The following AP5M1 variants were observed in gnomAD, a reference collection of about 807,000 sequenced individuals.
AP5M1 encodes adaptor related protein complex 5 subunit mu 1.
A neutral mutation model predicts 52.3 loss-of-function variants in AP5M1; 44 were observed. The ratio of observed to expected loss-of-function variants is 0.84; its 90% CI spans 0.66 to 1.08. AP5M1 has a LOEUF of 1.08. Ranked by LOEUF, AP5M1 falls within the 50% of genes least tolerant of loss-of-function variation. AP5M1 has a pLI of 0.00. For synonymous variants in AP5M1, 213 were observed against 199.0 expected, an observed-to-expected ratio of 1.07 and a Z score of -0.59; for missense variants, 526 against 568.4, an observed-to-expected ratio of 0.93 and a Z score of 0.76.
At chr14:57,276,513 T>C (rs1208692763) in intron 2 of AP5M1, among the ~76,000 whole-genome samples, 1 of 151,780 alleles carries the variant, frequency 6.6e-6, no homozygotes, top group African/African-American at 2.4e-5. Context: ...AGGCAGAGGC[T>C]GCAGTGAGCC....
At position 57,288,978 on chromosome 14, in the gene AP5M1, G is replaced by GA. The variant is rs1450056951; in HGVS notation, c.*99dup. 6 of 693,642 alleles carry GA rather than the reference G, an allele frequency of 8.7e-6. No individual in the cohort carries two copies. Among genetic ancestry groups the GA allele is most frequent in the Non-Finnish European group, 1.4e-5 (6 of 421,086 alleles). The allele number at this position is 693,642 out of a possible 1,614,324, so 43.0% of individuals were successfully genotyped here. A position where few individuals can be genotyped will look rare whatever the true frequency, so the allele number is the denominator to read the frequency against. The stretch of plus-strand genomic sequence containing the variant: ...ATGTGGATGCATATAACCTGTGAGT[G>GA]AAAAATCACTGAATGATTTAATTGT... On this transcript the variant is annotated 3_prime_UTR_variant, in exon 8 of 8. Transcript: ENST00000261558.
chr14:57,284,605 A>G (rs891323500), intron 6 of AP5M1, among the ~76,000 whole-genome samples: 6 of 152,214 alleles, frequency 3.9e-5, no homozygotes, highest in African/African-American at 1.4e-4. Context: ...GGACTGCTGT[A>G]AAAGCTGTGA....
Position 57,291,215 on chromosome 14 carries a change from C to T in AP5M1, c.*2331C>T, listed in dbSNP as rs941478588. 2.6e-5 allele frequency: 4 copies of T among 151,780 alleles called. No individual in the cohort carries two copies. Among genetic ancestry groups the T allele is most frequent in the South Asian group, 2.1e-4 (1 of 4,832 alleles). 9.4% of individuals were successfully genotyped at this position (151,780 alleles called of 1,614,324 possible). On this transcript the variant is annotated 3_prime_UTR_variant, in exon 8 of 8. Transcript: ENST00000261558. ...ATTTTTTAACTTGAAAGATGCTTTG[C>T]GTTTGCAGTGAATATGAGCAACTAC...
Position 57,269,069 on chromosome 14 carries a change from G to C in AP5M1, c.-246G>C. 1.8e-6 allele frequency: 1 copy of C among 569,544 alleles called. No individual in the cohort carries two copies. Among genetic ancestry groups the C allele is most frequent in the Non-Finnish European group, 3.1e-6 (1 of 325,210 alleles). The allele number at this position is 569,544 out of a possible 1,614,324, so 35.3% of individuals were successfully genotyped here. On this transcript the variant is annotated 5_prime_UTR_variant, in exon 1 of 8. Transcript: ENST00000261558. ...GAAAATACCGGAGTTGCAGGGTATA[G>C]GTAAATTTCTCAAGGTTATAGGTTG...
intron 1 of AP5M1, among the ~76,000 whole-genome samples, chr14:57,273,002 G>C (rs1055241400): frequency 1.3e-5 from 2 of 151,750 alleles, no homozygotes; most frequent in African/African-American, 4.8e-5. Flanking sequence ...TCTCGGCTCG[G>C]CTCGGCTCGG....
At chr14:57,282,790 AT>A (rs1885214476) in intron 4 of AP5M1, 143 bp from the exon 5 acceptor site, 2 of 487,760 alleles carry the variant, frequency 4.1e-6, no homozygotes, top group East Asian at 6.3e-5. Context: ...TTTAACATTC[AT>A]TATTTGTTCT....
intron 1 of AP5M1, among the ~76,000 whole-genome samples, chr14:57,273,140 G>A (rs1884934463): frequency 6.6e-6 from 1 of 152,036 alleles, no homozygotes; most frequent in Non-Finnish European, 1.5e-5. Flanking sequence ...GGGTTTCACC[G>A]TGTTGGCCAG....
chr14:57,276,049 A>G (rs1018376108), intron 2 of AP5M1, among the ~76,000 whole-genome samples: 1 of 152,160 alleles, frequency 6.6e-6, no homozygotes, highest in African/African-American at 2.4e-5. Context: ...CAGTCCTGAC[A>G]GAAAAATTGG....
rs780614870 is a variant in AP5M1 at position 57,295,416 on chromosome 14, G to T, written c.*6532G>T. 3 of 151,806 alleles carry T rather than the reference G, an allele frequency of 2.0e-5. No homozygotes were observed. Among genetic ancestry groups the T allele is most frequent in the Admixed American group, 1.3e-4 (2 of 15,202 alleles). 9.4% of individuals were successfully genotyped at this position (151,806 alleles called of 1,614,324 possible). A position where few individuals can be genotyped will look rare whatever the true frequency, so the allele number is the denominator to read the frequency against. Reference sequence around the variant, plus strand: ...CTCAGCTAGTCATAGCTCAGCCAGAGGGAAGGAAAAAATGCACTCGGTTTT... The same window carrying T: ...CTCAGCTAGTCATAGCTCAGCCAGATGGAAGGAAAAAATGCACTCGGTTTT... On this transcript the variant is annotated 3_prime_UTR_variant, in exon 8 of 8. Transcript: ENST00000261558.
intron 7 of AP5M1, among the ~76,000 whole-genome samples, chr14:57,286,996 TACACAC>T (rs58786398): frequency 0.17 from 23,528 of 140,434 alleles, 3,734 homozygotes; most frequent in African/African-American, 0.42. Flanking sequence ...CACACACACA[TACACAC>T]ACACACACAC....
chr14:57,290,105 G>C lies in AP5M1; in HGVS notation c.*1221G>C, dbSNP rs148965170. 2.1e-3 allele frequency: 321 copies of C among 151,986 alleles called. 2 individuals carry two copies. Among genetic ancestry groups the C allele is most frequent in the African/African-American group, 7.2e-3 (301 of 41,524 alleles). The allele number at this position is 151,986 out of a possible 1,614,324, so 9.4% of individuals were successfully genotyped here. On this transcript the variant is annotated 3_prime_UTR_variant, in exon 8 of 8. Coordinates refer to ENST00000261558, the MANE Select transcript of AP5M1 (RefSeq NM_018229.4). The stretch of plus-strand genomic sequence containing the variant: ...TCTTGGGTTCTGTTTTTTAATGAGT[G>C]TTCTAAGGAAAAGCTTAGAAAAGCT...
intron 7 of AP5M1, 198 bp downstream of exon 7, chr14:57,286,517 T>C (rs1217016369): frequency 2.1e-6 from 1 of 477,232 alleles, no homozygotes; most frequent in Admixed American, 3.8e-5. Context: ...TATAAAGTGG[T>C]CTGGATAAGC....
chr14:57,274,512 ACT>A lies in AP5M1; in HGVS notation c.346_347del (p.Leu116ValfsTer8). 6.2e-7 allele frequency: 1 copy of A among 1,614,106 alleles called. No individual in the cohort carries two copies. Among genetic ancestry groups the A allele is most frequent in the Non-Finnish European group, 8.5e-7 (1 of 1,180,022 alleles). ...IYACVPLVEQ[T>X]LSPRPPLISV... ...TGCTTGTGTTCCACTAGTTGAACAAACTCTGTCCCCTCGTCCGCCACTAATTA... is the reference window on the plus strand; with the variant it reads ...TGCTTGTGTTCCACTAGTTGAACAAACTGTCCCCTCGTCCGCCACTAATTA... On this transcript the variant is annotated frameshift_variant, in exon 2 of 8. Coordinates refer to ENST00000261558, the MANE Select transcript of AP5M1 (RefSeq NM_018229.4). LOFTEE classifies it high-confidence loss of function.
In AP5M1 at chr14:57,282,920, T is replaced by G; in HGVS notation, c.1089-14T>G. On this transcript the variant is annotated splice_polypyrimidine_tract_variant and intron_variant, in intron 4 of 7. Transcript: ENST00000261558. ...TCTATGATCTTTTTCTATTTTATCCTTTTCTTTTTAAAGAGGTCCAATTAC... is the reference window on the plus strand; with the variant it reads ...TCTATGATCTTTTTCTATTTTATCCGTTTCTTTTTAAAGAGGTCCAATTAC... 7 of 1,534,660 alleles carry G rather than the reference T, an allele frequency of 4.6e-6. No individual in the cohort carries two copies. The highest frequency in any genetic ancestry group is 6.2e-6 in the Non-Finnish European group (7 of 1,129,026).
Position 57,269,330 on chromosome 14 carries a change from G to A in AP5M1, c.16G>A (p.Val6Met), listed in dbSNP as rs34722917. 2,921 of 1,614,122 alleles carry A rather than the reference G, an allele frequency of 1.8e-3. 59 individuals are homozygous for A. The African/African-American group carries it at 0.036, about 20-fold the overall frequency. MAQRA[V>M]WLISHEPGTP... ...TGACTTAACCATGGCGCAGCGGGCA[G>A]TGTGGCTCATAAGCCACGAACCGGG... is the stretch of plus-strand genomic sequence containing the variant. The change falls in exon 1 of 8, where the codon GTG (valine) becomes ATG (methionine). Residue 6 changes from valine to methionine, a missense_variant. By Grantham distance (21) the Val-to-Met change is conservative. Transcript: ENST00000261558.
At position 57,286,318 on chromosome 14, in the gene AP5M1, A is replaced by C; in HGVS notation, c.1389A>C (p.Ala463=). Residue 463 remains alanine (A), a splice_region_variant and synonymous_variant, in exon 7 of 8, where the codon GCA becomes GCC. Transcript: ENST00000261558. The stretch of plus-strand genomic sequence containing the variant: ...CATCAGGAAAACCAAAAATAAGTGC[A>C]CGTAAGTTACACAGATTCAAACTAA... ...VFASGKPKIS[A]HRKLISSDYY... is the part of the protein sequence containing the mutation. The C allele has an allele frequency of 6.3e-7, 1 of 1,588,740 alleles. No homozygotes were observed. The highest frequency in any genetic ancestry group is 8.6e-7 in the Non-Finnish European group (1 of 1,157,332).
chr14:57,289,165 C>T lies in AP5M1; in HGVS notation c.*281C>T. The T allele has an allele frequency of 4.9e-6, 1 of 203,250 alleles. No individual in the cohort carries two copies. The highest frequency in any genetic ancestry group is 9.8e-6 in the Non-Finnish European group (1 of 102,342). 12.6% of individuals were successfully genotyped at this position (203,250 alleles called of 1,614,324 possible). On this transcript the variant is annotated 3_prime_UTR_variant, in exon 8 of 8. Transcript: ENST00000261558. Reference sequence around the variant, plus strand: ...CTCATTTTAGACTGGTCCTGGGTCACCCTGCCACACTTGTTTCCTAGTGTT... The same window carrying T: ...CTCATTTTAGACTGGTCCTGGGTCATCCTGCCACACTTGTTTCCTAGTGTT...
chr14:57,270,502 A>G (rs887284659), intron 1 of AP5M1, among the ~76,000 whole-genome samples: 3 of 152,184 alleles, frequency 2.0e-5, no homozygotes, highest in Admixed American at 1.3e-4. Flanking sequence ...GGATATGAAA[A>G]ATTCCTTCTT....
chr14:57,281,556 G>A (rs1193038567), intron 3 of AP5M1, among the ~76,000 whole-genome samples: 1 of 152,216 alleles, frequency 6.6e-6, no homozygotes, highest in African/African-American at 2.4e-5. Flanking sequence ...TCTTTCAACT[G>A]GCTTTCTCTG....
Sources: allele counts gnomAD v4.1 joint callset (sites outside exome capture counted in the v4.1 genomes callset), GRCh38; gene constraint gnomAD v4.1.1; transcripts MANE v1.5; gene names NCBI Gene and HGNC (gene_info 2026-07-23, HGNC 2026-07-21).